Variants in KCNIP4 observed in about 807,000 individuals in gnomAD.
KCNIP4 encodes the protein Kv channel-interacting protein 4.
KCNIP4 carries 12 observed loss-of-function variants against 34.0 expected under a neutral mutation model. That is an observed-to-expected ratio of 0.35 (90% CI 0.23 to 0.57). The LOEUF (loss-of-function observed/expected upper bound fraction) is 0.57, where lower values mean the gene tolerates loss of function less well. Ranked by LOEUF, KCNIP4 falls within the 20% of genes least tolerant of loss-of-function variation. The pLI, the probability that KCNIP4 is intolerant of heterozygous loss-of-function variation, is 0.83. For missense variants in KCNIP4, 238 were observed against 311.7 expected (o/e 0.76, Z 1.78); for synonymous variants, 124 against 102.2 (o/e 1.21, Z -1.29).
At chr4:21,477,015 A>G (rs1027527742) in intron 1 of KCNIP4, among the ~76,000 whole-genome samples, 2 of 152,152 alleles carry the variant, frequency 1.3e-5, no homozygotes, top group Non-Finnish European at 2.9e-5. Flanking sequence ...GGAGTGTCCT[A>G]AGAGACTGCT....
chr4:21,914,298 C>G (rs1195459021), intron 1 of KCNIP4, among the ~76,000 whole-genome samples: 1 of 152,030 alleles, frequency 6.6e-6, no homozygotes, highest in Non-Finnish European at 1.5e-5. Flanking sequence ...GTAGAATGGA[C>G]AGAACTTATC....
At chr4:20,905,637 G>A (rs1172579992) in intron 1 of KCNIP4, among the ~76,000 whole-genome samples, 1 of 149,772 alleles carries the variant, frequency 6.7e-6, no homozygotes, top group Non-Finnish European at 1.5e-5. Context: ...TCAGCTTCCC[G>A]AGTAGCTGGA....
At chr4:21,440,615 T>C (rs1727386031) in intron 1 of KCNIP4, among the ~76,000 whole-genome samples, 1 of 152,196 alleles carries the variant, frequency 6.6e-6, no homozygotes, top group Non-Finnish European at 1.5e-5. Context: ...GATGGAACTG[T>C]TCATTTTCAG....
intron 2 of KCNIP4, among the ~76,000 whole-genome samples, chr4:20,875,983 T>C (rs946018307): frequency 1.3e-5 from 2 of 152,230 alleles, no homozygotes; most frequent in Non-Finnish European, 2.9e-5. Flanking sequence ...GTACTGATGG[T>C]GGTTTATTGA....
rs142349287 is a variant in KCNIP4, at chr4:21,624,456, C to G, written c.61+324115G>C. On this transcript the variant is annotated intron_variant, in intron 1 of 8. Transcript: ENST00000382152. The stretch of plus-strand genomic sequence containing the variant: ...GAATAGATGACCTTCGACCTTGATT[C>G]TTAACCTAGGATGGGATAATTATAT... Among the ~76,000 whole-genome samples the G allele has an allele frequency of 3.8e-3, 584 of 152,200 alleles. 7 individuals carry two copies. The highest frequency in any genetic ancestry group is 0.013 in the African/African-American group (546 of 41,538).
intron 1 of KCNIP4, among the ~76,000 whole-genome samples, chr4:21,069,027 T>A (rs1374669709): frequency 3.3e-5 from 5 of 152,152 alleles, no homozygotes; most frequent in Admixed American, 1.3e-4. Flanking sequence ...AGATTGTACA[T>A]CTAAAAAAGG....
intron 3 of KCNIP4, among the ~76,000 whole-genome samples, chr4:20,761,792 A>C (rs1754983763): frequency 6.6e-6 from 1 of 152,234 alleles, no homozygotes; most frequent in South Asian, 2.1e-4. Context: ...TATCTGTGTC[A>C]GAGGAAACCT....
chr4:21,529,607 T>G (rs1004379859), intron 1 of KCNIP4, among the ~76,000 whole-genome samples: 1 of 152,180 alleles, frequency 6.6e-6, no homozygotes, highest in Non-Finnish European at 1.5e-5. Flanking sequence ...CCTCCTTCTA[T>G]CCTTGTTATA....
intron 1 of KCNIP4, among the ~76,000 whole-genome samples, chr4:21,885,015 G>A (rs557773250): frequency 2.0e-5 from 3 of 152,172 alleles, no homozygotes; most frequent in South Asian, 4.1e-4. Context: ...CACTTGTCAC[G>A]ATTTGTGTGT....
intron 1 of KCNIP4, among the ~76,000 whole-genome samples, chr4:20,994,585 T>C (rs1228262899): frequency 1.3e-5 from 2 of 152,234 alleles, no homozygotes; most frequent in African/African-American, 4.8e-5. Flanking sequence ...CCTTTCATTT[T>C]AGGTGCAAGC....
chr4:21,571,731 G>C (rs1010653507), intron 1 of KCNIP4, among the ~76,000 whole-genome samples: 1 of 152,098 alleles, frequency 6.6e-6, no homozygotes, highest in African/African-American at 2.4e-5. Flanking sequence ...CATGAGATGT[G>C]ACAGTACTAA....
intron 1 of KCNIP4, among the ~76,000 whole-genome samples, chr4:20,989,915 C>A (rs1273026960): frequency 6.6e-6 from 1 of 152,132 alleles, no homozygotes; most frequent in Non-Finnish European, 1.5e-5. Context: ...GCTGCCCGTG[C>A]CACTGCACTC....
At chr4:20,767,571 T>G (rs1214659670) in intron 3 of KCNIP4, among the ~76,000 whole-genome samples, 1 of 152,210 alleles carries the variant, frequency 6.6e-6, no homozygotes, top group Admixed American at 6.5e-5. Flanking sequence ...CAGCATTTCC[T>G]GGAAGGTTTT....
At chr4:21,327,674 A>G (rs1318409814) in intron 1 of KCNIP4, among the ~76,000 whole-genome samples, 2 of 151,996 alleles carry the variant, frequency 1.3e-5, no homozygotes, top group Non-Finnish European at 2.9e-5. Flanking sequence ...CAAGGCCAAT[A>G]ACTCAGATTT....
At chr4:21,484,624 CT>C (rs1560450861) in intron 1 of KCNIP4, among the ~76,000 whole-genome samples, 1 of 152,056 alleles carries the variant, frequency 6.6e-6, no homozygotes, top group Non-Finnish European at 1.5e-5. Context: ...TTCCCGCAGC[CT>C]TTGATGCTAC....
At chr4:21,507,325 C>T (rs921442236) in intron 1 of KCNIP4, among the ~76,000 whole-genome samples, 49 of 150,742 alleles carry the variant, frequency 3.3e-4, no homozygotes, top group African/African-American at 1.1e-3. Context: ...AGTGTAGTGG[C>T]TCGATCTTGG....
intron 1 of KCNIP4, among the ~76,000 whole-genome samples, chr4:21,395,875 A>G (rs1183942118): frequency 6.6e-6 from 1 of 152,278 alleles, no homozygotes; most frequent in Middle Eastern, 3.4e-3. Flanking sequence ...TTTGGTTTAA[A>G]TGAGATTTAT....
intron 1 of KCNIP4, among the ~76,000 whole-genome samples, chr4:21,313,221 GCCCTGGTTAATAAAAATCTTA>G (rs1713379407): frequency 7.4e-6 from 1 of 135,926 alleles, no homozygotes; most frequent in East Asian, 2.1e-4. Flanking sequence ...CAGATTTTTA[GCCCTGGTTAATAAAAATCTTA>G]GTTGTGGATA....
chr4:21,223,394 A>T (rs1434236206), intron 1 of KCNIP4, among the ~76,000 whole-genome samples: 1 of 152,218 alleles, frequency 6.6e-6, no homozygotes, highest in East Asian at 1.9e-4. Flanking sequence ...GACCTCCAGA[A>T]CTGTAACAGA....
Sources: allele counts gnomAD v4.1 joint callset (sites outside exome capture counted in the v4.1 genomes callset), GRCh38; gene constraint gnomAD v4.1.1; transcripts MANE v1.5; gene names NCBI Gene and HGNC (gene_info 2026-07-23, HGNC 2026-07-21).